The following ZER1 variants were observed in gnomAD, a reference collection of about 807,000 sequenced individuals.
ZER1 encodes the protein protein zer-1 homolog.
In ZER1, 11 loss-of-function variants were observed where a neutral mutation model predicts 78.8. That is an observed-to-expected ratio of 0.14 (90% confidence interval 0.09 to 0.23). The LOEUF is 0.23. Among genes scored for constraint, ZER1 ranks in the 10% least tolerant of loss-of-function variants. ZER1 has a pLI of 1.00. For missense variants in ZER1, 588 were observed against 996.9 expected (o/e 0.59, Z 5.52); for synonymous variants, 400 against 407.0 (o/e 0.98, Z 0.21).
chr9:128,760,434 C>A (rs1306697193), intron 1 of ZER1, among the ~76,000 whole-genome samples: 1 of 151,280 alleles, frequency 6.6e-6, no homozygotes, highest in Non-Finnish European at 1.5e-5. Flanking sequence ...AATCTCCTGA[C>A]CTTGTGATCC....
Position 128,753,003 on chromosome 9 carries a change from C to G in ZER1, c.747-154G>C, listed in dbSNP as rs753814367. Among the ~76,000 whole-genome samples, 3 of 152,196 alleles carry G rather than the reference C, an allele frequency of 2.0e-5. No homozygotes were observed. Among genetic ancestry groups the G allele is most frequent in the Non-Finnish European group, 2.9e-5 (2 of 68,040 alleles). ...GGAAGAAACCCCAAACAGCCCCAAT[C>G]CAGCTGAAACACTGGGTTTAAGGAA... is the stretch of plus-strand genomic sequence containing the variant. On this transcript the variant is annotated intron_variant, in intron 4 of 15. Coordinates refer to ENST00000291900, the MANE Select transcript of ZER1 (RefSeq NM_006336.4). The surrounding 1 kb of genome is among the most constrained non-coding windows in gnomAD (Gnocchi z 7.5).
At chr9:128,742,878 T>A in intron 8 of ZER1, 133 bp from the exon 9 acceptor site, 1 of 830,984 alleles carries the variant, frequency 1.2e-6, no homozygotes, top group Non-Finnish European at 1.8e-6. Flanking sequence ...GAGGAGGCTA[T>A]ACAAGTCTTC....
intron 8 of ZER1, 51 bp downstream of exon 8, chr9:128,750,565 A>G (rs750411169): frequency 6.3e-7 from 1 of 1,596,950 alleles, no homozygotes; most frequent in Admixed American, 1.7e-5. Flanking sequence ...AAGAAGCAGG[A>G]AAGGGGTGGC....
chr9:128,741,586 G>A lies in ZER1; in HGVS notation c.1686C>T (p.Cys562=), dbSNP rs765704618. The A allele has an allele frequency of 1.7e-5, 27 of 1,614,150 alleles. No homozygotes were observed. Among genetic ancestry groups the A allele is most frequent in the African/African-American group, 1.2e-4 (9 of 75,042 alleles). Reference sequence around the variant, plus strand: ...TGCCGTTGAAATTGAGGAACATCTCGCAGTTGTCAGGAGTTTCATCTGTGA... The same window carrying A: ...TGCCGTTGAAATTGAGGAACATCTCACAGTTGTCAGGAGTTTCATCTGTGA... ...WNITDETPDN[C]EMFLNFNGMK... is the part of the protein sequence containing the mutation. Residue 562 remains cysteine (C), a synonymous_variant, in exon 11 of 16, where the codon TGC becomes TGT. Coordinates refer to ENST00000291900, the MANE Select transcript of ZER1 (RefSeq NM_006336.4).
rs920235975 is a variant in ZER1 at position 128,740,993 on chromosome 9, CAA to C, written c.1738-108_1738-107del. ...TGGGCATCTGGCCATGCCAACTAGA[CAA>C]AGAGGGGGCATATATGCTGCCCTCC... On this transcript the variant is annotated intron_variant, in intron 11 of 15. Coordinates refer to ENST00000291900, the MANE Select transcript of ZER1 (RefSeq NM_006336.4). The surrounding 1 kb of genome is among the most constrained non-coding windows in gnomAD (Gnocchi z 4.4). 4 of 691,182 alleles carry C rather than the reference CAA, an allele frequency of 5.8e-6. No homozygotes were observed. Among genetic ancestry groups the C allele is most frequent in the Admixed American group, 4.3e-5 (2 of 46,172 alleles). 42.8% of individuals were successfully genotyped at this position (691,182 alleles called of 1,614,324 possible). A position where few individuals can be genotyped will look rare whatever the true frequency, so the allele number is the denominator to read the frequency against.
At chr9:128,764,054 G>C (rs1453630746) in intron 1 of ZER1, among the ~76,000 whole-genome samples, 1 of 152,114 alleles carries the variant, frequency 6.6e-6, no homozygotes, top group Non-Finnish European at 1.5e-5. Flanking sequence ...TCTGGTGGAG[G>C]GGAGAGAAGG....
At chr9:128,761,314 T>A (rs1333017907) in intron 1 of ZER1, among the ~76,000 whole-genome samples, 1 of 151,550 alleles carries the variant, frequency 6.6e-6, no homozygotes, top group African/African-American at 2.4e-5. Context: ...TTTTTCAGAG[T>A]CTTGCTCTGT....
intron 9 of ZER1, among the ~76,000 whole-genome samples, chr9:128,742,243 A>G (rs1050965146): frequency 6.6e-6 from 1 of 152,134 alleles, no homozygotes; most frequent in Non-Finnish European, 1.5e-5. Flanking sequence ...ACAATGACGG[A>G]AGGACAGCAT....
intron 1 of ZER1, among the ~76,000 whole-genome samples, chr9:128,761,667 C>T (rs1365714518): frequency 2.7e-5 from 4 of 145,506 alleles, no homozygotes; most frequent in African/African-American, 1.0e-4. Flanking sequence ...TACAGTGGTA[C>T]GATCTCGGCT....
intron 8 of ZER1, among the ~76,000 whole-genome samples, chr9:128,749,286 C>T (rs917445877): frequency 2.0e-5 from 3 of 151,272 alleles, no homozygotes; most frequent in African/African-American, 7.3e-5. Flanking sequence ...CAAGATTGTG[C>T]ACTGCACTCC....
At chr9:128,744,426 C>T (rs1863416674) in intron 8 of ZER1, among the ~76,000 whole-genome samples, 2 of 151,576 alleles carry the variant, frequency 1.3e-5, no homozygotes, top group East Asian at 3.9e-4. Flanking sequence ...TCTCATGATC[C>T]ACCAGCCTCA....
Position 128,754,816 on chromosome 9 carries a change from G to A in ZER1, c.158+592C>T, listed in dbSNP as rs571688098. On this transcript the variant is annotated intron_variant, in intron 2 of 15. Transcript: ENST00000291900. The surrounding 1 kb of genome is among the most constrained non-coding windows in gnomAD (Gnocchi z 4.3). ...TGGAATTACACGTGTGAGCCACCAT[G>A]CCTGGCCACCATCTGGGCCTGTAGA... 1.3e-5 allele frequency among the ~76,000 whole-genome samples: 2 copies of A among 152,056 alleles called. No individual in the cohort carries two copies. The highest frequency in any genetic ancestry group is 2.9e-5 in the Non-Finnish European group (2 of 67,998).
At chr9:128,766,111 G>C (rs1030498881) in intron 1 of ZER1, among the ~76,000 whole-genome samples, 3 of 152,206 alleles carry the variant, frequency 2.0e-5, no homozygotes, top group Non-Finnish European at 4.4e-5. Flanking sequence ...AGCACTTTGG[G>C]AGGCCAAGGC....
At chr9:128,735,231 T>A (rs1863024737) in intron 14 of ZER1, 103 bp downstream of exon 14, 1 of 1,084,122 alleles carries the variant, frequency 9.2e-7, no homozygotes, top group Admixed American at 2.7e-5. Context: ...GCACAAAAGC[T>A]GACAGCAGCA....
chr9:128,768,699 G>A (rs759604487), intron 1 of ZER1, among the ~76,000 whole-genome samples: 1 of 152,064 alleles, frequency 6.6e-6, no homozygotes, highest in Non-Finnish European at 1.5e-5. Context: ...GATATAGTCC[G>A]GGCTTGGGGT....
chr9:128,745,202 T>TTC (rs1367288319), intron 8 of ZER1, among the ~76,000 whole-genome samples: 4 of 148,518 alleles, frequency 2.7e-5, no homozygotes, highest in African/African-American at 9.9e-5. Context: ...TGTTTGGGTT[T>TTC]TTTTTTTTTT....
At chr9:128,735,202 TG>T in intron 14 of ZER1, 131 bp downstream of exon 14, 1 of 785,078 alleles carries the variant, frequency 1.3e-6, no homozygotes, top group Non-Finnish European at 2.0e-6. Flanking sequence ...CGCTGGAAAG[TG>T]GAGGGTTCTG....
In ZER1 at chr9:128,741,833, C is replaced by T. The variant is rs1863307179; in HGVS notation, c.1584G>A (p.Leu528=). Residue 528 remains leucine, a synonymous_variant, in exon 10 of 16, where the codon CTG becomes CTA. Coordinates refer to ENST00000291900, the MANE Select transcript of ZER1 (RefSeq NM_006336.4). Reference sequence around the variant, plus strand: ...CCAGCAGCTTCTTCTGAATCAGCTTCAGCATGGTCTGCAGGCAGGGACAAG... The same window carrying T: ...CCAGCAGCTTCTTCTGAATCAGCTTTAGCATGGTCTGCAGGCAGGGACAAG... ...VGKMGFVVTM[L]KLIQKKLLDK... 1.9e-6 allele frequency: 3 copies of T among 1,614,096 alleles called. No individual in the cohort carries two copies. Among genetic ancestry groups the T allele is most frequent in the Non-Finnish European group, 2.5e-6 (3 of 1,180,032 alleles).
intron 1 of ZER1, among the ~76,000 whole-genome samples, chr9:128,760,761 C>G (rs1360992278): frequency 6.6e-6 from 1 of 151,390 alleles, no homozygotes; most frequent in Non-Finnish European, 1.5e-5. Flanking sequence ...CCACTGCACT[C>G]CAGCCTGGTG....
Sources: allele counts gnomAD v4.1 joint callset (sites outside exome capture counted in the v4.1 genomes callset), GRCh38; gene constraint gnomAD v4.1.1; non-coding constraint Gnocchi (gnomAD v3.1); transcripts MANE v1.5; gene names NCBI Gene and HGNC (gene_info 2026-07-23, HGNC 2026-07-21).